Variants in PIP4P2 observed in about 807,000 individuals in gnomAD.
PIP4P2 encodes type 2 phosphatidylinositol 4,5-bisphosphate 4-phosphatase.
A neutral mutation model predicts 33.3 loss-of-function variants in PIP4P2; 19 were observed. The ratio of observed to expected loss-of-function variants is 0.57; its 90% CI spans 0.40 to 0.84. The LOEUF (loss-of-function observed/expected upper bound fraction) is 0.84. PIP4P2 is among the 40% of genes least tolerant of loss of function. The probability of loss-of-function intolerance (pLI) is 0.00; values close to 1 mark genes in which losing one functional copy is unlikely to be tolerated. For synonymous variants in PIP4P2, 110 were observed against 111.9 expected, an observed-to-expected ratio of 0.98 and a Z score of 0.11; for missense variants, 270 against 324.7, an observed-to-expected ratio of 0.83 and a Z score of 1.29.
chr8:91,013,083 A>G (rs73299977), intron 4 of PIP4P2, among the ~76,000 whole-genome samples: 16,408 of 152,166 alleles, frequency 0.11, 1,075 homozygotes, highest in African/African-American at 0.18. Flanking sequence ...AATAAAAGCC[A>G]AAATTCTAGC....
intron 5 of PIP4P2, among the ~76,000 whole-genome samples, chr8:91,006,992 T>C (rs1473693345): frequency 6.6e-6 from 1 of 152,144 alleles, no homozygotes; most frequent in African/African-American, 2.4e-5. Context: ...TCTCTGCCTT[T>C]TCTTTTCTAT....
intron 2 of PIP4P2, among the ~76,000 whole-genome samples, chr8:91,020,845 CAT>C (rs1811998299): frequency 6.6e-6 from 1 of 152,142 alleles, no homozygotes; most frequent in Non-Finnish European, 1.5e-5. Flanking sequence ...ATCCTACAGA[CAT>C]AAAATAACTT....
intron 1 of PIP4P2, among the ~76,000 whole-genome samples, chr8:91,039,985 C>T (rs1437865918): frequency 6.6e-6 from 1 of 152,114 alleles, no homozygotes. Context: ...ATCCCATCTT[C>T]CCTTCTATGA....
At chr8:91,006,362 G>T (rs1283775903) in intron 5 of PIP4P2, among the ~76,000 whole-genome samples, 1 of 152,154 alleles carries the variant, frequency 6.6e-6, no homozygotes, top group Non-Finnish European at 1.5e-5. Flanking sequence ...GAATTTCTAT[G>T]TAAGTTGTTC....
chr8:91,033,258 C>A (rs1225966604), intron 1 of PIP4P2, among the ~76,000 whole-genome samples: 1 of 152,238 alleles, frequency 6.6e-6, no homozygotes, highest in Admixed American at 6.5e-5. Context: ...CTCCACATGA[C>A]TGAAACAGAA....
Position 91,031,593 on chromosome 8 carries a change from C to G in PIP4P2, c.106+9051G>C, listed in dbSNP as rs186990765. ...GAGAGGAAGAAAAATTTTGCCATTG[C>G]CTTTAGAAGTAAATGCTTAGAATAA... is the stretch of plus-strand genomic sequence containing the variant. On this transcript the variant is annotated intron_variant, in intron 1 of 6. Coordinates refer to ENST00000285419, the MANE Select transcript of PIP4P2 (RefSeq NM_018710.3). 9.4e-4 allele frequency among the ~76,000 whole-genome samples: 143 copies of G among 152,266 alleles called. 1 individual carries two copies. The highest frequency in any genetic ancestry group is 3.3e-3 in the African/African-American group (136 of 41,566).
At position 91,024,844 on chromosome 8, in the gene PIP4P2, A is replaced by T. The variant is rs527777348; in HGVS notation, c.107-3440T>A. Among the ~76,000 whole-genome samples, 278 of 152,196 alleles carry T rather than the reference A, an allele frequency of 1.8e-3. 2 individuals carry two copies. The highest frequency in any genetic ancestry group is 6.1e-3 in the African/African-American group (255 of 41,532). ...CAGTAGTCCTTAATCCTAAAAAAAAACTCCCTCAAAGCTCCAGAATAGAAC... is the reference window on the plus strand; with the variant it reads ...CAGTAGTCCTTAATCCTAAAAAAAATCTCCCTCAAAGCTCCAGAATAGAAC... On this transcript the variant is annotated intron_variant, in intron 1 of 6. Transcript: ENST00000285419.
chr8:91,032,506 C>G (rs548944383), intron 1 of PIP4P2, among the ~76,000 whole-genome samples: 1 of 152,028 alleles, frequency 6.6e-6, no homozygotes, highest in African/African-American at 2.4e-5. Flanking sequence ...ACAGGCCAGG[C>G]GCGGTGGCTC....
At chr8:90,998,273 C>A (rs1053510079) in intron 5 of PIP4P2, among the ~76,000 whole-genome samples, 1 of 151,986 alleles carries the variant, frequency 6.6e-6, no homozygotes, top group Non-Finnish European at 1.5e-5. Context: ...AATATTAGAG[C>A]GGCTTTTCTG....
intron 1 of PIP4P2, among the ~76,000 whole-genome samples, chr8:91,027,812 G>T (rs193265267): frequency 7.9e-5 from 12 of 152,250 alleles, no homozygotes; most frequent in Admixed American, 2.0e-4. Flanking sequence ...ACAGAGTTAG[G>T]AATGTTGAAG....
intron 1 of PIP4P2, among the ~76,000 whole-genome samples, chr8:91,038,376 T>G (rs7016498): frequency 0.65 from 99,311 of 152,048 alleles, 33,008 homozygotes; most frequent in Middle Eastern, 0.76. Context: ...ATGGGATCAT[T>G]AACTAAAATT....
chr8:91,010,791 A>G (rs1282816745), intron 4 of PIP4P2, among the ~76,000 whole-genome samples: 1 of 151,740 alleles, frequency 6.6e-6, no homozygotes, highest in Non-Finnish European at 1.5e-5. Context: ...ACCAAAAAGA[A>G]AAAAATCTTA....
Position 91,024,040 on chromosome 8 carries a change from T to C in PIP4P2, c.107-2636A>G, listed in dbSNP as rs187522450. ...ATGGAAAACAAGGGCTTCTTTTATA[T>C]AGAAGACAACTCTCTCCAAATAATG... is the stretch of plus-strand genomic sequence containing the variant. On this transcript the variant is annotated intron_variant, in intron 1 of 6. Coordinates refer to ENST00000285419, the MANE Select transcript of PIP4P2 (RefSeq NM_018710.3). Among the ~76,000 whole-genome samples the C allele has an allele frequency of 1.2e-3, 189 of 152,162 alleles. 2 individuals are homozygous for C. Among genetic ancestry groups the C allele is most frequent in the African/African-American group, 4.4e-3 (184 of 41,532 alleles).
intron 5 of PIP4P2, among the ~76,000 whole-genome samples, chr8:90,998,481 T>G (rs1811658573): frequency 6.6e-6 from 1 of 152,066 alleles, no homozygotes; most frequent in African/African-American, 2.4e-5. Context: ...AAGCACTTAT[T>G]AATCATAAAA....
At chr8:91,025,523 T>C (rs1188317632) in intron 1 of PIP4P2, among the ~76,000 whole-genome samples, 1 of 152,218 alleles carries the variant, frequency 6.6e-6, no homozygotes, top group Non-Finnish European at 1.5e-5. Context: ...TGGATTGCTC[T>C]GACCTTTATT....
chr8:91,039,251 T>C (rs1812273862), intron 1 of PIP4P2, among the ~76,000 whole-genome samples: 1 of 152,220 alleles, frequency 6.6e-6, no homozygotes, highest in Non-Finnish European at 1.5e-5. Context: ...AATTGGCCCA[T>C]TAGAGGAAAT....
chr8:91,037,812 A>G (rs1812251722), intron 1 of PIP4P2, among the ~76,000 whole-genome samples: 1 of 152,216 alleles, frequency 6.6e-6, no homozygotes, highest in African/African-American at 2.4e-5. Context: ...AAAATCTTAT[A>G]AATTCAAAGG....
At chr8:91,023,297 C>G (rs35972814) in intron 1 of PIP4P2, among the ~76,000 whole-genome samples, 71,647 of 151,616 alleles carry the variant, frequency 0.47, 20,305 homozygotes, top group Non-Finnish European at 0.64. Context: ...CTCGTAATCC[C>G]AGGTCTCTAT....
chr8:91,031,419 A>C (rs1029441641), intron 1 of PIP4P2, among the ~76,000 whole-genome samples: 3 of 152,200 alleles, frequency 2.0e-5, no homozygotes, highest in African/African-American at 7.2e-5. Context: ...TAATCTCTCA[A>C]ACAATAAAAT....
Sources: allele counts gnomAD v4.1 joint callset (sites outside exome capture counted in the v4.1 genomes callset), GRCh38; gene constraint gnomAD v4.1.1; transcripts MANE v1.5; gene names NCBI Gene and HGNC (gene_info 2026-07-23, HGNC 2026-07-21).